The following PCM1 variants were observed in gnomAD, a reference collection of about 807,000 sequenced individuals.
PCM1 encodes pericentriolar material 1 protein.
Under a neutral mutation model 241.9 loss-of-function variants are expected in PCM1, and 157 were observed. The ratio of observed to expected loss-of-function variants is 0.65; its 90% CI spans 0.57 to 0.74. The LOEUF (loss-of-function observed/expected upper bound fraction) is 0.74. PCM1 is among the 30% of genes least tolerant of loss of function. PCM1 has a pLI of 0.00. For missense variants in PCM1, 3,478 were observed against 2,360.1 expected (o/e 1.47, Z -9.81); for synonymous variants, 1,085 against 784.9 (o/e 1.38, Z -6.39).
At chr8:17,953,495 T>C (rs2066845915) in intron 9 of PCM1, among the ~76,000 whole-genome samples, 1 of 152,176 alleles carries the variant, frequency 6.6e-6, no homozygotes, top group Admixed American at 6.5e-5. Context: ...TAATACTTTG[T>C]TTCTTAACAT....
Position 17,990,113 on chromosome 8 carries a change from A to C in PCM1, c.4531+134A>C, listed in dbSNP as rs560930450. The C allele has an allele frequency of 9.1e-5, 57 of 629,036 alleles. No homozygotes were observed. In the African/African-American group the frequency reaches 9.4e-4, roughly 10 times the overall value. 39.0% of individuals were successfully genotyped at this position (629,036 alleles called of 1,614,324 possible). On this transcript the variant is annotated intron_variant, in intron 27 of 38. Coordinates refer to ENST00000325083, the MANE Select transcript of PCM1 (RefSeq NM_006197.4). The stretch of plus-strand genomic sequence containing the variant: ...TGAAAGAATGTGGACTTAATTATCT[A>C]TCAGTCTAAAATCAAGAATCTTCTG...
intron 23 of PCM1, among the ~76,000 whole-genome samples, chr8:17,976,289 C>T (rs180911745): frequency 3.9e-5 from 6 of 152,238 alleles, no homozygotes; most frequent in African/African-American, 7.2e-5. Flanking sequence ...AGAGTGACAC[C>T]GAAATAAAAG....
In PCM1 at chr8:18,010,631, A is replaced by G. The variant is rs1443781886; in HGVS notation, c.5183A>G (p.His1728Arg). The change falls in exon 32 of 39, where the codon CAT becomes CGT. Residue 1728 changes from histidine to arginine, a missense_variant. By Grantham distance (29) the His-to-Arg change is conservative (BLOSUM62 0). Transcript: ENST00000325083. ...AAGGCTAAAAGGATTCTTGAAGATC[A>G]TGGCTCACCTGCTGGAGAGATTGAT... ...AKEAKRILED[H>R]GSPAGEIDDE... is the part of the protein sequence containing the mutation. The G allele has an allele frequency of 1.2e-6, 2 of 1,603,520 alleles. No individual in the cohort carries two copies. Among genetic ancestry groups the G allele is most frequent in the Non-Finnish European group, 1.7e-6 (2 of 1,175,448 alleles).
chr8:18,011,899 T>A, intron 34 of PCM1, 72 bp downstream of exon 34: 1 of 1,336,832 alleles, frequency 7.5e-7, no homozygotes, highest in Non-Finnish European at 1.0e-6. Context: ...AGCCTTATTT[T>A]AACTAATCAA....
Position 18,025,548 on chromosome 8 carries a change from A to T in PCM1, c.5939A>T (p.Asp1980Val). Reference protein sequence around the residue: ...PLKLTIYSEADLRKKMVEEEQ... With the variant: ...PLKLTIYSEAVLRKKMVEEEQ... ...TTTTTAATTTTCATTCCAAAGGCAG[A>T]TCTAAGAAAGAAAATGGTAGAAGAA... The change falls in exon 38 of 39, where the codon GAT becomes GTT. Residue 1980 changes from aspartate (D) to valine (V), a missense_variant. Coordinates refer to ENST00000325083, the MANE Select transcript of PCM1 (RefSeq NM_006197.4). 3 of 1,571,550 alleles carry T rather than the reference A, an allele frequency of 1.9e-6. No homozygotes were observed. Among genetic ancestry groups the T allele is most frequent in the Non-Finnish European group, 2.6e-6 (3 of 1,152,008 alleles).
At chr8:18,025,127 C>T in intron 36 of PCM1, 2 of 341,038 alleles carry the variant, frequency 5.9e-6, no homozygotes, top group South Asian at 4.9e-5. Context: ...TGAACTGCCC[C>T]CCTGCCTTTT....
chr8:17,961,242 G>T lies in PCM1; in HGVS notation c.2323-792G>T, dbSNP rs111734064. Among the ~76,000 whole-genome samples, 361 of 144,730 alleles carry T rather than the reference G, an allele frequency of 2.5e-3. 2 individuals carry two copies. The highest frequency in any genetic ancestry group is 9.0e-3 in the African/African-American group (355 of 39,446). 94.9% of individuals were successfully genotyped at this position (144,730 alleles called of 152,430 possible). On this transcript the variant is annotated intron_variant, in intron 15 of 38. Transcript: ENST00000325083. ...TATCTTTGGTGATATCAAATAATCA[G>T]TTAATAATATGGGAAGGGGATAATA... is the stretch of plus-strand genomic sequence containing the variant.
At chr8:17,928,623 T>TGA in intron 2 of PCM1, among the ~76,000 whole-genome samples, 1 of 129,958 alleles carries the variant, frequency 7.7e-6, no homozygotes, top group Admixed American at 7.4e-5. Context: ...CCTCTTTTTT[T>TGA]TTTTTTTTTT....
chr8:17,926,414 C>G (rs936017007), intron 2 of PCM1: 2 of 152,160 alleles, frequency 1.3e-5, no homozygotes, highest in African/African-American at 4.8e-5. Flanking sequence ...AGGCAACGTG[C>G]TATGTAATGA....
In PCM1 at chr8:17,960,349, C is replaced by T; in HGVS notation, c.2227C>T (p.Gln743Ter). The T allele has an allele frequency of 6.3e-7, 1 of 1,597,524 alleles. No homozygotes were observed. Among genetic ancestry groups the T allele is most frequent in the Non-Finnish European group, 8.5e-7 (1 of 1,175,298 alleles). Reference protein sequence around the residue: ...KFYEAKLQQQQRELKQLQEER... With the variant: ...KFYEAKLQQQ Reference sequence around the variant, plus strand: ...TTATGAGGCTAAACTACAGCAGCAACAGAGAGAGCTAAAACAATTGCAGGA... The same window carrying T: ...TTATGAGGCTAAACTACAGCAGCAATAGAGAGAGCTAAAACAATTGCAGGA... The change falls in exon 15 of 39, where the codon CAG becomes TAG. Residue 743 changes from glutamine to a stop codon, truncating the protein, a stop_gained. Transcript: ENST00000325083. LOFTEE classifies it high-confidence loss of function.
intron 36 of PCM1, among the ~76,000 whole-genome samples, chr8:18,020,680 A>G (rs1185157675): frequency 1.3e-5 from 2 of 152,250 alleles, no homozygotes; most frequent in Non-Finnish European, 2.9e-5. Context: ...GTAACAACTC[A>G]GTATGAACTA....
chr8:17,930,922 GC>G (rs1296315710), intron 2 of PCM1, among the ~76,000 whole-genome samples: 1 of 151,816 alleles, frequency 6.6e-6, no homozygotes, highest in Non-Finnish European at 1.5e-5. Context: ...TATTTCTTTA[GC>G]TTCATACTAA....
At chr8:17,923,410 C>T (rs60296478) in intron 1 of PCM1, among the ~76,000 whole-genome samples, 3,056 of 152,286 alleles carry the variant, frequency 0.02, 105 homozygotes, top group African/African-American at 0.07. Context: ...GAGCACCTCG[C>T]GACGCGTTGG....
chr8:18,013,703 G>GA (rs199539814), intron 34 of PCM1: 17 of 321,688 alleles, frequency 5.3e-5, no homozygotes, highest in Non-Finnish European at 7.8e-5. Flanking sequence ...TTTAGAGTCT[G>GA]AAAAAAAATG....
In PCM1 at chr8:17,985,417, A is replaced by T. The variant is rs759211395; in HGVS notation, c.4109-30A>T. 4.0e-6 allele frequency: 6 copies of T among 1,503,542 alleles called. No homozygotes were observed. In the South Asian group the frequency reaches 7.6e-5, roughly 19 times the overall value. 93.1% of individuals were successfully genotyped at this position (1,503,542 alleles called of 1,614,324 possible). On this transcript the variant is annotated intron_variant, in intron 24 of 38. Coordinates refer to ENST00000325083, the MANE Select transcript of PCM1 (RefSeq NM_006197.4). ...GTTGTCATGAAGGTACTTCATCAATATTAACTTTCTGGTCTTTTATGTATT... is the reference window on the plus strand; with the variant it reads ...GTTGTCATGAAGGTACTTCATCAATTTTAACTTTCTGGTCTTTTATGTATT...
At chr8:17,945,070 A>C in intron 6 of PCM1, among the ~76,000 whole-genome samples, 1 of 152,046 alleles carries the variant, frequency 6.6e-6, no homozygotes, top group East Asian at 1.9e-4. Context: ...CCTTCCATTG[A>C]TATCTGTACC....
chr8:17,988,476 A>G (rs562125095), intron 26 of PCM1, among the ~76,000 whole-genome samples: 1 of 151,990 alleles, frequency 6.6e-6, no homozygotes, highest in South Asian at 2.1e-4. Context: ...GGAAAAAATT[A>G]TGACCTTGAC....
In PCM1 at chr8:17,939,764, A is replaced by T; in HGVS notation, c.686A>T (p.Lys229Ile). The part of the protein sequence containing the change: ...ASSMREDLVE[K>I]NERSANVERL... ...TCCATGCGGGAAGATCTTGTAGAGAAAAATGAGAGATCTGCTAATGTTGAG... is the reference window on the plus strand; with the variant it reads ...TCCATGCGGGAAGATCTTGTAGAGATAAATGAGAGATCTGCTAATGTTGAG... The change falls in exon 6 of 39, where the codon AAA becomes ATA. Residue 229 changes from lysine (K) to isoleucine (I), a missense_variant. Coordinates refer to ENST00000325083, the MANE Select transcript of PCM1 (RefSeq NM_006197.4). 3.2e-6 allele frequency: 5 copies of T among 1,553,490 alleles called. No homozygotes were observed. Among genetic ancestry groups the T allele is most frequent in the Non-Finnish European group, 4.4e-6 (5 of 1,143,402 alleles).
chr8:17,972,235 CCTA>C, intron 22 of PCM1, 91 bp from the exon 23 acceptor site: 1 of 557,596 alleles, frequency 1.8e-6, no homozygotes, highest in East Asian at 3.2e-5. Flanking sequence ...ATTTTATTCA[CCTA>C]AATCTACTCG....
Sources: allele counts gnomAD v4.1 joint callset (sites outside exome capture counted in the v4.1 genomes callset), GRCh38; gene constraint gnomAD v4.1.1; transcripts MANE v1.5; gene names NCBI Gene and HGNC (gene_info 2026-07-23, HGNC 2026-07-21).